SYNE1: variants seen among roughly 807,000 people sequenced by gnomAD.
The protein encoded by SYNE1 is spectrin repeat containing nuclear envelope protein 1.
Under a neutral mutation model 1,111.0 loss-of-function variants are expected in SYNE1, and 616 were observed. That is an observed-to-expected ratio of 0.55 (90% CI 0.52 to 0.59). The LOEUF is 0.59. Among genes scored for constraint, SYNE1 ranks in the 20% least tolerant of loss-of-function variants. The pLI is 0.00. For synonymous variants in SYNE1, 3,855 were observed against 3,825.8 expected, an observed-to-expected ratio of 1.01 and a Z score of -0.28; for missense variants, 10,006 against 10,417.0, an observed-to-expected ratio of 0.96 and a Z score of 1.72.
chr6:152,138,335 A>G (rs2057555952), intron 140 of SYNE1, among the ~76,000 whole-genome samples: 1 of 151,866 alleles, frequency 6.6e-6, no homozygotes, highest in Admixed American at 6.6e-5. Context: ...ACATGGCAAA[A>G]CCCTGTCTCT....
rs73617305 is a variant in SYNE1, at chr6:152,156,359, T to C, written c.23791-262A>G. Among the ~76,000 whole-genome samples the C allele has an allele frequency of 6.0e-3, 908 of 152,280 alleles. 12 individuals are homozygous for C. Among genetic ancestry groups the C allele is most frequent in the African/African-American group, 0.021 (854 of 41,564 alleles). ...AAATGGTCTACACTAAGAGTAAAAC[T>C]AACTTCTTTAATCAATAAAAAATGA... On this transcript the variant is annotated intron_variant, in intron 131 of 145. Coordinates refer to ENST00000367255, the MANE Select transcript of SYNE1 (RefSeq NM_182961.4).
intron 67 of SYNE1, among the ~76,000 whole-genome samples, chr6:152,353,957 T>G (rs1293558424): frequency 6.6e-6 from 1 of 152,174 alleles, no homozygotes; most frequent in Non-Finnish European, 1.5e-5. Flanking sequence ...TTTCTGTATC[T>G]ATTACACTTC....
At position 152,122,406 on chromosome 6, in the gene SYNE1, C is replaced by T. The variant is rs773506798; in HGVS notation, c.*30G>A. ...TATGACCCGATCCTCCTTATGCTAC[C>T]AGCACTTCTGCAGATGGCATCTGCT... On this transcript the variant is annotated 3_prime_UTR_variant, in exon 146 of 146. Transcript: ENST00000367255. The T allele has an allele frequency of 6.2e-7, 1 of 1,613,922 alleles. No individual in the cohort carries two copies. Among genetic ancestry groups the T allele is most frequent in the Admixed American group, 1.7e-5 (1 of 60,022 alleles).
At chr6:152,377,712 A>C (rs1426283034) in intron 56 of SYNE1, among the ~76,000 whole-genome samples, 1 of 136,124 alleles carries the variant, frequency 7.3e-6, no homozygotes, top group Non-Finnish European at 1.5e-5. Context: ...TTTATGTTGT[A>C]TATACAGTTA....
rs2082602926 is a variant in SYNE1 at position 152,230,819 on chromosome 6, C to T, written c.21040-117G>A. 7.6e-6 allele frequency: 9 copies of T among 1,188,276 alleles called. No individual in the cohort carries two copies. In the East Asian group the frequency reaches 2.3e-4, roughly 31 times the overall value. 73.6% of individuals were successfully genotyped at this position (1,188,276 alleles called of 1,614,324 possible). Reference sequence around the variant, plus strand: ...AATTAAGAATTCTTAAAATACAGTTCATCGTATATATGATTTAAAACAGGG... The same window carrying T: ...AATTAAGAATTCTTAAAATACAGTTTATCGTATATATGATTTAAAACAGGG... On this transcript the variant is annotated intron_variant, in intron 114 of 145. Coordinates refer to ENST00000367255, the MANE Select transcript of SYNE1 (RefSeq NM_182961.4).
At chr6:152,558,485 A>C (rs1181272684) in intron 3 of SYNE1, among the ~76,000 whole-genome samples, 3 of 152,186 alleles carry the variant, frequency 2.0e-5, no homozygotes, top group Non-Finnish European at 4.4e-5. Context: ...TCTGAAAGTA[A>C]AGTTATGGAT....
chr6:152,428,560 T>C (rs1321117257), intron 36 of SYNE1, among the ~76,000 whole-genome samples, 168 bp from the exon 37 acceptor site: 3 of 152,198 alleles, frequency 2.0e-5, no homozygotes, highest in Admixed American at 1.3e-4. Context: ...AGACTTAGTG[T>C]TCAATAGATT....
At chr6:152,256,925 A>G (rs1025411485) in intron 101 of SYNE1, among the ~76,000 whole-genome samples, 160 bp from the exon 102 acceptor site, 2 of 152,310 alleles carry the variant, frequency 1.3e-5, no homozygotes, top group Middle Eastern at 3.4e-3. Flanking sequence ...CACTGAACAC[A>G]GTGGCCAGAT....
chr6:152,533,369 G>T (rs962862884), intron 4 of SYNE1, among the ~76,000 whole-genome samples: 1 of 151,764 alleles, frequency 6.6e-6, no homozygotes, highest in African/African-American at 2.4e-5. Context: ...AATCTGCTTG[G>T]AAAACTCAGC....
intron 137 of SYNE1, 167 bp from the exon 138 acceptor site, chr6:152,143,932 A>C: frequency 1.0e-6 from 1 of 976,976 alleles, no homozygotes; most frequent in Non-Finnish European, 1.5e-6. Context: ...TGGGTTAGAC[A>C]TTAAAATGGC....
rs1372847361 is a variant in SYNE1 at position 152,276,853 on chromosome 6, G to C, written c.18573+1236C>G. 2.0e-5 allele frequency among the ~76,000 whole-genome samples: 3 copies of C among 151,752 alleles called. No homozygotes were observed. In the East Asian group the frequency reaches 5.8e-4, roughly 29 times the overall value. ...GGTCCCTGGCTTACTTAGCAAGAAG[G>C]GTAGGGAAGACCAAACTCTGCACTC... is the stretch of plus-strand genomic sequence containing the variant. On this transcript the variant is annotated intron_variant, in intron 98 of 145. Coordinates refer to ENST00000367255, the MANE Select transcript of SYNE1 (RefSeq NM_182961.4).
chr6:152,459,078 C>T (rs2098715072), intron 21 of SYNE1, 148 bp from the exon 22 acceptor site: 1 of 772,090 alleles, frequency 1.3e-6, no homozygotes, highest in Admixed American at 2.3e-5. Context: ...AATGATATTT[C>T]CTCTATATTG....
At chr6:152,211,340 G>T (rs2077487505) in intron 124 of SYNE1, among the ~76,000 whole-genome samples, 154 bp downstream of exon 124, 1 of 152,094 alleles carries the variant, frequency 6.6e-6, no homozygotes, top group South Asian at 2.1e-4. Flanking sequence ...ATTCATTTCA[G>T]AGATTGAGAC....
At chr6:152,508,008 T>C (rs1241943136) in intron 8 of SYNE1, among the ~76,000 whole-genome samples, 1 of 152,188 alleles carries the variant, frequency 6.6e-6, no homozygotes, top group Non-Finnish European at 1.5e-5. Flanking sequence ...TTCAATCTTA[T>C]GAGTGTGATG....
chr6:152,492,676 C>T (rs1033176864), intron 11 of SYNE1, among the ~76,000 whole-genome samples: 6 of 152,208 alleles, frequency 3.9e-5, no homozygotes, highest in Non-Finnish European at 5.9e-5. Context: ...CTCAGCTTAG[C>T]GGCTGAAGAC....
At chr6:152,621,272 A>G (rs77339859) in intron 3 of SYNE1, among the ~76,000 whole-genome samples, 9,944 of 152,262 alleles carry the variant, frequency 0.065, 517 homozygotes, top group East Asian at 0.16. Flanking sequence ...AGAAGTTGGG[A>G]CTTTAACAGG....
Position 152,391,538 on chromosome 6 carries a change from C to T in SYNE1, c.7743G>A (p.Gly2581=). Residue 2581 remains glycine, a synonymous_variant, in exon 52 of 146, where the codon GGG becomes GGA. Coordinates refer to ENST00000367255, the MANE Select transcript of SYNE1 (RefSeq NM_182961.4). ...CGTGGCCTTCTTCACTCAGAAGCTG[C>T]CCTCTCTGGGAAAGCTTATCAAGAG... ...RESLDKLSQR[G]QLLSEEGHGA... The T allele has an allele frequency of 6.3e-7, 1 of 1,596,766 alleles. No individual in the cohort carries two copies. Among genetic ancestry groups the T allele is most frequent in the Non-Finnish European group, 8.5e-7 (1 of 1,171,528 alleles).
intron 95 of SYNE1, among the ~76,000 whole-genome samples, chr6:152,289,440 T>C (rs1252239274): frequency 6.6e-6 from 1 of 152,174 alleles, no homozygotes; most frequent in Non-Finnish European, 1.5e-5. Context: ...AAGCTTGCTC[T>C]GTCACCTAGC....
At chr6:152,154,581 G>T (rs1461255270) in intron 133 of SYNE1, among the ~76,000 whole-genome samples, 1 of 152,126 alleles carries the variant, frequency 6.6e-6, no homozygotes, top group Non-Finnish European at 1.5e-5. Context: ...ATGGTTGACT[G>T]TGGAATAATT....
Sources: gnomAD v4.1 joint callset for allele counts (sites outside exome capture counted in the v4.1 genomes callset) on GRCh38, gnomAD v4.1.1 for gene constraint, MANE v1.5 for transcripts, NCBI Gene and HGNC (gene_info 2026-07-23, HGNC 2026-07-21) for gene names.